The following TMX2 variants were observed in gnomAD, a reference collection of about 807,000 sequenced individuals.
TMX2 encodes thioredoxin-related transmembrane protein 2.
In TMX2, 20 loss-of-function variants were observed where a neutral mutation model predicts 33.4. The ratio of observed to expected loss-of-function variants is 0.60; its 90% CI spans 0.42 to 0.87. The LOEUF is 0.87. Ranked by LOEUF, TMX2 falls within the 40% of genes least tolerant of loss-of-function variation. The probability of loss-of-function intolerance (pLI) is 0.00; values close to 1 mark genes in which losing one functional copy is unlikely to be tolerated. For missense variants in TMX2, 340 were observed against 370.7 expected, an observed-to-expected ratio of 0.92 and a Z score of 0.68; for synonymous variants, 166 against 140.7, an observed-to-expected ratio of 1.18 and a Z score of -1.27.
At position 57,729,838 on chromosome 11, in the gene TMX2, T is replaced by C. The variant is rs184282611; in HGVS notation, c.190-7770T>C. Among the ~76,000 whole-genome samples the C allele has an allele frequency of 1.2e-4, 19 of 152,334 alleles. No individual in the cohort carries two copies. In the East Asian group the frequency reaches 3.7e-3, roughly 29 times the overall value. ...ATATATAAAAGCGGGTAGGGCGCAG[T>C]GGCTCACGCCTGTAATCCCAGCACT... On this transcript the variant is annotated intron_variant, in intron 1 of 7. Coordinates refer to ENST00000278422, the MANE Select transcript of TMX2 (RefSeq NM_015959.4).
chr11:57,734,883 C>G (rs1435019089), intron 1 of TMX2, among the ~76,000 whole-genome samples: 1 of 152,116 alleles, frequency 6.6e-6, no homozygotes, highest in East Asian at 1.9e-4. Context: ...TGCCTGTAAT[C>G]CCAGCACTTT....
chr11:57,720,015 G>A (rs946710293), intron 1 of TMX2, among the ~76,000 whole-genome samples: 5 of 151,744 alleles, frequency 3.3e-5, no homozygotes, highest in South Asian at 2.1e-4. Flanking sequence ...CTGGTTGGGC[G>A]CGGTGGCTCA....
chr11:57,720,101 C>T (rs1947496711), intron 1 of TMX2, among the ~76,000 whole-genome samples: 1 of 139,346 alleles, frequency 7.2e-6, no homozygotes, highest in Admixed American at 7.5e-5. Flanking sequence ...TCAGCCTGGC[C>T]AACGTGGTGA....
chr11:57,726,878 T>C (rs1440555524), intron 1 of TMX2, among the ~76,000 whole-genome samples: 4 of 152,184 alleles, frequency 2.6e-5, no homozygotes, highest in Non-Finnish European at 5.9e-5. Context: ...TCAAATAAGA[T>C]TTATCACAGG....
At chr11:57,715,059 C>T (rs370594379) in intron 1 of TMX2, among the ~76,000 whole-genome samples, 2 of 152,184 alleles carry the variant, frequency 1.3e-5, no homozygotes, top group East Asian at 1.9e-4. Context: ...TATCAGAAAC[C>T]TTTATTTGTC....
chr11:57,717,755 G>GAGAGGCAGAGGC (rs1192422381), intron 1 of TMX2, among the ~76,000 whole-genome samples: 1 of 145,642 alleles, frequency 6.9e-6, no homozygotes, highest in African/African-American at 2.6e-5. Context: ...AGGGGAGAGG[G>GAGAGGCAGAGGC]AGAGGCAGAG....
chr11:57,734,116 G>A (rs1037110462), intron 1 of TMX2, among the ~76,000 whole-genome samples: 15 of 131,654 alleles, frequency 1.1e-4, no homozygotes, highest in East Asian at 2.3e-4. Context: ...AGGAGACCGC[G>A]CCACTGTACT....
At chr11:57,722,957 C>T (rs1001849461) in intron 1 of TMX2, among the ~76,000 whole-genome samples, 12 of 151,040 alleles carry the variant, frequency 7.9e-5, no homozygotes, top group Non-Finnish European at 2.9e-5. Context: ...TACAAAAATA[C>T]AAAATTAGCT....
intron 1 of TMX2, among the ~76,000 whole-genome samples, chr11:57,729,675 G>A (rs551956967): frequency 1.3e-5 from 2 of 150,540 alleles, no homozygotes; most frequent in South Asian, 2.1e-4. Context: ...TTTAAAAAAC[G>A]GAACAAAAAG....
Position 57,737,688 on chromosome 11 carries a change from C to G in TMX2, c.250+20C>G. 1 of 1,611,564 alleles carries G rather than the reference C, an allele frequency of 6.2e-7. No individual in the cohort carries two copies. Among genetic ancestry groups the G allele is most frequent in the South Asian group, 1.1e-5 (1 of 91,004 alleles). On this transcript the variant is annotated intron_variant, in intron 2 of 7. Transcript: ENST00000278422. Reference sequence around the variant, plus strand: ...GATCCAGTAAGTTTAGTTCACTTCTCAGACTCAAGGTTAGATCTAATGCCC... The same window carrying G: ...GATCCAGTAAGTTTAGTTCACTTCTGAGACTCAAGGTTAGATCTAATGCCC...
At chr11:57,730,040 G>A (rs1017683088) in intron 1 of TMX2, among the ~76,000 whole-genome samples, 4 of 151,120 alleles carry the variant, frequency 2.6e-5, no homozygotes, top group Non-Finnish European at 5.9e-5. Flanking sequence ...GGAGATGGAG[G>A]TTGTGGTGAG....
chr11:57,719,033 ATTTTTTTTTTT>A (rs1191976911), intron 1 of TMX2, among the ~76,000 whole-genome samples: 1 of 70,638 alleles, frequency 1.4e-5, no homozygotes, highest in Non-Finnish European at 2.8e-5. Flanking sequence ...ATATATATAT[ATTTTTTTTTTT>A]TTTTTTTTTT....
intron 1 of TMX2, among the ~76,000 whole-genome samples, chr11:57,732,268 C>T (rs548934613): frequency 6.6e-6 from 1 of 152,152 alleles, no homozygotes; most frequent in African/African-American, 2.4e-5. Context: ...CAGATGAAGG[C>T]GCATCATCCA....
intron 7 of TMX2, 111 bp from the exon 8 acceptor site, chr11:57,739,988 C>A: frequency 6.7e-7 from 1 of 1,488,560 alleles, no homozygotes; most frequent in Non-Finnish European, 9.1e-7. Flanking sequence ...AGATTTTTGT[C>A]CTTTGCTTAC....
At chr11:57,730,422 T>C (rs1385980783) in intron 1 of TMX2, among the ~76,000 whole-genome samples, 9 of 70,106 alleles carry the variant, frequency 1.3e-4, no homozygotes, top group African/African-American at 5.2e-4. Context: ...AGTGAAACTG[T>C]CTTTAAAAAA....
In TMX2 at chr11:57,738,767, T is replaced by G. The variant is rs1286617484; in HGVS notation, c.545T>G (p.Leu182Arg). ...GCCCCTATCTATGCTGACCTCTCCCTTAAGTGAGTAGTGCAAAGGGAGGGA... is the reference window on the plus strand; with the variant it reads ...GCCCCTATCTATGCTGACCTCTCCCGTAAGTGAGTAGTGCAAAGGGAGGGA... Reference protein sequence around the residue: ...SFAPIYADLSLKYNCTGLNFG... With the variant: ...SFAPIYADLSRKYNCTGLNFG... Residue 182 changes from leucine (L) to arginine (R), a missense_variant, in exon 5 of 8, where the codon CTT becomes CGT. This residue lies in a region of TMX2 where 209 missense variants were observed against 241.6 expected (regional missense o/e 0.87). Coordinates refer to ENST00000278422, the MANE Select transcript of TMX2 (RefSeq NM_015959.4). 2 of 1,612,846 alleles carry G rather than the reference T, an allele frequency of 1.2e-6. No individual in the cohort carries two copies. The highest frequency in any genetic ancestry group is 3.3e-5 in the Admixed American group (2 of 59,998).
chr11:57,725,146 A>G (rs888328185), intron 1 of TMX2, among the ~76,000 whole-genome samples: 1 of 152,126 alleles, frequency 6.6e-6, no homozygotes. Flanking sequence ...AAATCTGCTC[A>G]TGTAAATCCT....
chr11:57,714,113 G>T (rs1357100657), intron 1 of TMX2, among the ~76,000 whole-genome samples: 1 of 152,104 alleles, frequency 6.6e-6, no homozygotes. Flanking sequence ...GTGAGTCCCT[G>T]GTCTTCTTTA....
intron 1 of TMX2, among the ~76,000 whole-genome samples, chr11:57,731,289 G>T (rs1449131931): frequency 3.3e-5 from 5 of 151,108 alleles, no homozygotes. Flanking sequence ...ATGCGCCACT[G>T]CACCCAGCTA....
Sources: allele counts gnomAD v4.1 joint callset (sites outside exome capture counted in the v4.1 genomes callset), GRCh38; gene constraint gnomAD v4.1.1; regional missense constraint gnomAD v4.1.1; transcripts MANE v1.5; gene names NCBI Gene and HGNC (gene_info 2026-07-23, HGNC 2026-07-21).